SLC4A7: variants seen among roughly 807,000 people sequenced by gnomAD.
SLC4A7 encodes the protein solute carrier family 4 member 7, also known as sodium bicarbonate cotransporter 3.
A neutral mutation model predicts 137.6 loss-of-function variants in SLC4A7; 51 were observed. The ratio of observed to expected loss-of-function variants is 0.37; its 90% CI spans 0.30 to 0.47. The LOEUF is 0.47. Ranked by LOEUF, SLC4A7 falls within the 20% of genes least tolerant of loss-of-function variation. SLC4A7 has a pLI of 1.00. For synonymous variants in SLC4A7, 542 were observed against 518.6 expected, an observed-to-expected ratio of 1.05 and a Z score of -0.61; for missense variants, 1,247 against 1,525.4, an observed-to-expected ratio of 0.82 and a Z score of 3.04.
intron 1 of SLC4A7, among the ~76,000 whole-genome samples, chr3:27,457,392 G>A (rs1272536377): frequency 6.6e-6 from 1 of 151,998 alleles, no homozygotes; most frequent in African/African-American, 2.4e-5. Context: ...AAGACAACTG[G>A]ATTCTCATAT....
rs1286972755 is a variant in SLC4A7, at chr3:27,484,264, G to A, written c.-138C>T. On this transcript the variant is annotated 5_prime_UTR_variant, in exon 1 of 26. Coordinates refer to ENST00000454389, the MANE Select transcript of SLC4A7 (RefSeq NM_001321103.2). ...GGGTGCGTCCGTGCGCGAGGTGTGC[G>A]CGCGTGGGGAGAGCCGGGCGCCGGG... 9.4e-6 allele frequency: 6 copies of A among 637,514 alleles called. No homozygotes were observed. In the East Asian group the frequency reaches 1.6e-4, roughly 17 times the overall value. 39.5% of individuals were successfully genotyped at this position (637,514 alleles called of 1,614,324 possible). A position where few individuals can be genotyped will look rare whatever the true frequency, so the allele number is the denominator to read the frequency against.
intron 14 of SLC4A7, among the ~76,000 whole-genome samples, chr3:27,403,589 TAATA>T (rs1302957977): frequency 6.6e-6 from 1 of 151,986 alleles, no homozygotes; most frequent in Non-Finnish European, 1.5e-5. Context: ...GATTTATTAT[TAATA>T]AATTAATTAG....
rs141129743 is a variant in SLC4A7 at position 27,420,778 on chromosome 3, A to G, written c.1434T>C (p.Phe478=). The G allele has an allele frequency of 2.2e-5, 36 of 1,611,934 alleles. No individual in the cohort carries two copies. The African/African-American group carries it at 4.5e-4, about 20-fold the overall frequency. The part of the protein sequence containing the change: ...TEVPVPTRFL[F]LLLGPAGKAP... ...CCTTGCCCGCTGGACCCAATAACAA[A>G]AACAAAAACCTAAGGAAATATGAAA... Residue 478 remains phenylalanine (F), a synonymous_variant, in exon 10 of 26, where the codon TTT becomes TTC. Transcript: ENST00000454389.
chr3:27,410,649 A>G (rs1377527368), intron 12 of SLC4A7, among the ~76,000 whole-genome samples: 1 of 152,194 alleles, frequency 6.6e-6, no homozygotes, highest in South Asian at 2.1e-4. Flanking sequence ...GAGGGCATAC[A>G]GATGCTCTCA....
intron 1 of SLC4A7, among the ~76,000 whole-genome samples, chr3:27,470,977 C>T (rs1326918630): frequency 6.6e-6 from 1 of 152,006 alleles, no homozygotes; most frequent in Non-Finnish European, 1.5e-5. Flanking sequence ...AACAAAACAG[C>T]AAACCCTGGA....
intron 1 of SLC4A7, among the ~76,000 whole-genome samples, chr3:27,459,990 T>TACAC (rs1160172651): frequency 6.7e-5 from 6 of 90,044 alleles, no homozygotes; most frequent in South Asian, 4.5e-4. Context: ...TATATATATA[T>TACAC]ACACACACAC....
At chr3:27,465,227 T>C (rs2058918405) in intron 1 of SLC4A7, among the ~76,000 whole-genome samples, 1 of 146,604 alleles carries the variant, frequency 6.8e-6, no homozygotes, top group African/African-American at 2.5e-5. Context: ...AGGCGGAGTT[T>C]GCAGTAAACC....
intron 22 of SLC4A7, among the ~76,000 whole-genome samples, chr3:27,388,117 GT>G (rs1314419758): frequency 6.6e-6 from 1 of 151,934 alleles, no homozygotes; most frequent in Non-Finnish European, 1.5e-5. Context: ...AGTCTTTTTT[GT>G]TTTTAACTAA....
intron 11 of SLC4A7, among the ~76,000 whole-genome samples, chr3:27,412,985 C>T (rs181435581): frequency 8.5e-5 from 13 of 152,098 alleles, no homozygotes; most frequent in Admixed American, 5.2e-4. Flanking sequence ...ACAGCAGAAA[C>T]TAAGATACAA....
intron 12 of SLC4A7, 103 bp from the exon 13 acceptor site, chr3:27,409,633 T>C (rs2053712401): frequency 1.3e-6 from 1 of 790,898 alleles, no homozygotes; most frequent in Non-Finnish European, 2.0e-6. Context: ...CTAGGTGTTT[T>C]GTCAACAAAA....
At chr3:27,381,589 T>C (rs1187377932) in intron 24 of SLC4A7, among the ~76,000 whole-genome samples, 1 of 152,104 alleles carries the variant, frequency 6.6e-6, no homozygotes, top group Non-Finnish European at 1.5e-5. Context: ...AGAGCAAAAT[T>C]AGTTGAATTC....
chr3:27,406,776 C>T (rs1397189915), intron 13 of SLC4A7, among the ~76,000 whole-genome samples: 1 of 151,802 alleles, frequency 6.6e-6, no homozygotes, highest in Non-Finnish European at 1.5e-5. Context: ...CAAAAAAATA[C>T]AAAAAATTAG....
At chr3:27,455,570 ATTT>A (rs780026916) in intron 1 of SLC4A7, among the ~76,000 whole-genome samples, 2 of 125,358 alleles carry the variant, frequency 1.6e-5, no homozygotes. Flanking sequence ...GCATAACTAA[ATTT>A]TTTTTTTTTT....
At position 27,456,559 on chromosome 3, in the gene SLC4A7, C is replaced by T. The variant is rs1431028995; in HGVS notation, c.61-4061G>A. The stretch of plus-strand genomic sequence containing the variant: ...AGGATGATACTATTCTAAGCCAGTG[C>T]TAATAAGCCTGACATTTCTTCAAGC... On this transcript the variant is annotated intron_variant, in intron 1 of 25. Coordinates refer to ENST00000454389, the MANE Select transcript of SLC4A7 (RefSeq NM_001321103.2). 4.5e-6 allele frequency: 4 copies of T among 886,890 alleles called. No homozygotes were observed. In the African/African-American group the frequency reaches 5.0e-5, roughly 11 times the overall value. 54.9% of individuals were successfully genotyped at this position (886,890 alleles called of 1,614,324 possible). A position where few individuals can be genotyped will look rare whatever the true frequency, so the allele number is the denominator to read the frequency against.
chr3:27,413,934 T>C (rs1039381285), intron 11 of SLC4A7, among the ~76,000 whole-genome samples: 9 of 152,200 alleles, frequency 5.9e-5, no homozygotes, highest in Non-Finnish European at 1.0e-4. Flanking sequence ...ACTTACAGAT[T>C]ATTTGACTGA....
intron 23 of SLC4A7, among the ~76,000 whole-genome samples, chr3:27,385,521 G>A (rs2050847972): frequency 6.6e-6 from 1 of 152,028 alleles, no homozygotes; most frequent in Admixed American, 6.6e-5. Context: ...AGTTTTCTCA[G>A]ATAATATACT....
intron 22 of SLC4A7, 50 bp downstream of exon 22, chr3:27,389,881 C>T: frequency 7.6e-7 from 1 of 1,315,552 alleles, no homozygotes; most frequent in Non-Finnish European, 1.1e-6. Context: ...TAAAAAATTA[C>T]TGTAAACATA....
intron 7 of SLC4A7, chr3:27,428,161 G>A (rs568312376): frequency 2.0e-5 from 3 of 153,196 alleles, no homozygotes; most frequent in East Asian, 1.9e-4. Flanking sequence ...TTTTAGGGTT[G>A]TTTTCCTCTT....
chr3:27,418,436 A>C (rs761181237), intron 11 of SLC4A7, 50 bp downstream of exon 11: 108 of 1,505,892 alleles, frequency 7.2e-5, no homozygotes, highest in Non-Finnish European at 8.5e-5. Context: ...AATCAAAAAA[A>C]ATTTTATTAA....
Sources: allele counts gnomAD v4.1 joint callset (sites outside exome capture counted in the v4.1 genomes callset), GRCh38; gene constraint gnomAD v4.1.1; transcripts MANE v1.5; gene names NCBI Gene and HGNC (gene_info 2026-07-23, HGNC 2026-07-21).